Variants in TRPM5 observed in about 807,000 individuals in gnomAD.
TRPM5 encodes MLSN1 and TRP-related.
In TRPM5, 121 loss-of-function variants were observed where a neutral mutation model predicts 124.9. The observed-to-expected ratio is 0.97, with a 90% confidence interval of 0.84 to 1.13. The LOEUF (loss-of-function observed/expected upper bound fraction) is 1.13. TRPM5 is among the 50% of genes most tolerant of loss of function. TRPM5 has a pLI of 0.00. For missense variants in TRPM5, 1,643 were observed against 1,589.1 expected (o/e 1.03, Z -0.58); for synonymous variants, 781 against 700.5 (o/e 1.11, Z -1.81).
chr11:2,419,317 T>C (rs1233809907), intron 4 of TRPM5, among the ~76,000 whole-genome samples: 1 of 151,806 alleles, frequency 6.6e-6, no homozygotes, highest in East Asian at 1.9e-4. Flanking sequence ...TTCTAAAGAG[T>C]GCTCAGTTGA....
chr11:2,442,947 T>C, the TRPM5 span, among the ~76,000 whole-genome samples: 1 of 152,250 alleles, frequency 6.6e-6, no homozygotes, highest in East Asian at 1.9e-4. This position sits in a 1 kb window ranked among gnomAD's most constrained non-coding sequence, Gnocchi z 5.9. Context: ...ATGTTCTTTA[T>C]GTATCAGTGA....
At chr11:2,409,514 T>C (rs1850399494) in intron 18 of TRPM5, among the ~76,000 whole-genome samples, 1 of 152,140 alleles carries the variant, frequency 6.6e-6, no homozygotes, top group Non-Finnish European at 1.5e-5. Context: ...CAGCTCCGGC[T>C]CGGCACGAGT....
chr11:2,428,965 G>T, the TRPM5 span, among the ~76,000 whole-genome samples: 22 of 150,984 alleles, frequency 1.5e-4, no homozygotes, highest in East Asian at 4.3e-3. This position sits in a 1 kb window ranked among gnomAD's most constrained non-coding sequence, Gnocchi z 4.0. Context: ...GATGATAGTA[G>T]TCATGGTGGT....
chr11:2,435,795 G>A, the TRPM5 span, among the ~76,000 whole-genome samples: 6 of 152,002 alleles, frequency 3.9e-5, no homozygotes, highest in Admixed American at 6.6e-5. The surrounding 1 kb of genome is among the most constrained non-coding windows in gnomAD (Gnocchi z 4.1). Flanking sequence ...CTCTCTACCC[G>A]TCTGTCCATC....
chr11:2,420,060 AGGCCCCCACGGCCCAGGTCTC>A (rs138450105), intron 4 of TRPM5, among the ~76,000 whole-genome samples, 141 bp downstream of exon 9: 63,730 of 151,056 alleles, frequency 0.42, 13,720 homozygotes, highest in East Asian at 0.62. Flanking sequence ...CCCACGGCCC[AGGCCCCCACGGCCCAGGTCTC>A]GGTGCTCAGG....
At chr11:2,420,689 T>G (rs1845759402) in intron 3 of TRPM5, among the ~76,000 whole-genome samples, 1 of 152,192 alleles carries the variant, frequency 6.6e-6, no homozygotes. Context: ...TTCCCGACTC[T>G]AGGGCTGGCG....
At chr11:2,422,990 T>G (rs377687668) in exon 1 of TRPM5, 42 of 1,612,916 alleles carry the variant, frequency 2.6e-5, no homozygotes, top group African/African-American at 5.3e-5. Flanking sequence ...CCGCCGGTCT[T>G]CAGCATCCCC....
intron 20 of TRPM5, 75 bp from the exon 26 acceptor site, chr11:2,406,868 G>A: frequency 6.5e-7 from 1 of 1,537,724 alleles, no homozygotes; most frequent in Non-Finnish European, 8.7e-7. Context: ...CTGGTCCCGG[G>A]GCGAGGTGGG....
chr11:2,414,066 C>T lies in TRPM5; in HGVS notation c.1885G>A (p.Val629Ile), dbSNP rs530691692. ...CGAGGACAGCTGGCACTCACCTGAA[C>T]GCCGTCGTGGGCAAAGAAGGCCTTG... Residue 629 changes from valine to isoleucine, a missense_variant, in exon 12 of 24, where the codon GTT (valine) becomes ATT (isoleucine). Transcript: ENST00000155858. 7.6e-5 allele frequency: 108 copies of T among 1,416,276 alleles called. No individual in the cohort carries two copies. In the African/African-American group the frequency reaches 1.1e-3, roughly 14 times the overall value. The allele number at this position is 1,416,276 out of a possible 1,614,324, so 87.7% of individuals were successfully genotyped here.
At chr11:2,422,773 C>T (rs1845790521) in intron 1 of TRPM5, 147 bp downstream of exon 6, 1 of 713,262 alleles carries the variant, frequency 1.4e-6, no homozygotes, top group Non-Finnish European at 2.5e-6. Flanking sequence ...TGGAACTCTG[C>T]CTGTCTGGGG....
At chr11:2,405,535 C>T (rs867911972) in exon 23 of TRPM5, 11 of 1,560,802 alleles carry the variant, frequency 7.0e-6, no homozygotes, top group Non-Finnish European at 9.5e-6. Context: ...ACTCCGGGGG[C>T]CGCCACCCTG....
exon 24 of TRPM5, chr11:2,404,673 G>A (rs975140991): frequency 2.4e-5 from 12 of 509,226 alleles, no homozygotes; most frequent in Non-Finnish European, 3.5e-5. Context: ...AGGTAGGGAT[G>A]CGGTGGGGCA....
At chr11:2,414,009 G>GGGGGGGGCCCCCCCCCCCCCCCC in intron 12 of TRPM5, 52 bp downstream of exon 17, 6 of 1,023,722 alleles carry the variant, frequency 5.9e-6, no homozygotes, top group Non-Finnish European at 5.7e-6. Context: ...GGCCCAGCTC[G>GGGGGGGGCCCCCCCCCCCCCCCC]CCCGCCCACC....
At chr11:2,406,031 A>C (rs1296887831) in exon 22 of TRPM5, 1 of 1,611,868 alleles carries the variant, frequency 6.2e-7, no homozygotes, top group South Asian at 1.1e-5. Flanking sequence ...GTGACTCCAG[A>C]CACTTGATGC....
chr11:2,407,448 G>T, intron 19 of TRPM5, 148 bp from the exon 25 acceptor site: 1 of 799,026 alleles, frequency 1.3e-6, no homozygotes. Flanking sequence ...TGTGTCACGA[G>T]GGGTCCACTC....
exon 4 of TRPM5, chr11:2,420,334 G>A: frequency 6.2e-7 from 1 of 1,612,808 alleles, no homozygotes; most frequent in Non-Finnish European, 8.5e-7. Flanking sequence ...AGTGGGAGAG[G>A]TTGCTGTCCA....
chr11:2,411,202 G>T (rs1850437969), intron 18 of TRPM5, 150 bp downstream of exon 23: 6 of 986,280 alleles, frequency 6.1e-6, no homozygotes, highest in Non-Finnish European at 8.5e-6. Context: ...GGGGGCCTGG[G>T]GACCAGGCCT....
Position 2,412,207 on chromosome 11 carries a change from A to G in TRPM5, c.2402T>C (p.Leu801Pro), listed in dbSNP as rs1447883878. 1.2e-6 allele frequency: 2 copies of G among 1,613,602 alleles called. No individual in the cohort carries two copies. ...CTTGTTCCAGTTGTCCCCCACATAC[A>G]GTGTGAACTTCTTCACCAGGTGTGT... Residue 801 changes from leucine to proline, a missense_variant, in exon 16 of 24, where the codon CTG becomes CCG. Leu to Pro is a moderately conservative substitution (Grantham distance 98). Coordinates refer to ENST00000155858, the Ensembl canonical transcript of TRPM5.
chr11:2,423,421 C>T (rs548887914), upstream of TRPM5, among the ~76,000 whole-genome samples: 4 of 152,286 alleles, frequency 2.6e-5, no homozygotes, highest in Admixed American at 1.3e-4. Context: ...CTGGAAACTC[C>T]GAAAGACTCA....
Sources: gnomAD v4.1 joint callset for allele counts (sites outside exome capture counted in the v4.1 genomes callset) on GRCh38, gnomAD v4.1.1 for gene constraint, Gnocchi (gnomAD v3.1) non-coding constraint, MANE v1.5 for transcripts, NCBI Gene and HGNC (gene_info 2026-07-23, HGNC 2026-07-21) for gene names.